The following STK3 variants were observed in gnomAD, a reference collection of about 807,000 sequenced individuals.
STK3 encodes serine/threonine-protein kinase 3.
Under a neutral mutation model 58.0 loss-of-function variants are expected in STK3, and 41 were observed. That is an observed-to-expected ratio of 0.71 (90% CI 0.55 to 0.92). The LOEUF (loss-of-function observed/expected upper bound fraction) is 0.92. Among genes scored for constraint, STK3 ranks in the 40% least tolerant of loss-of-function variants. The pLI, the probability that STK3 is intolerant of heterozygous loss-of-function variation, is 0.00. For synonymous variants in STK3, 170 were observed against 191.0 expected (o/e 0.89, Z 0.91); for missense variants, 479 against 602.7 (o/e 0.79, Z 2.15).
At chr8:98,606,210 C>T (rs1052568722) in intron 6 of STK3, 4 of 152,156 alleles carry the variant, frequency 2.6e-5, no homozygotes, top group Non-Finnish European at 5.9e-5. Context: ...GTAGTGCCAT[C>T]AGTATGTGGT....
chr8:98,765,546 T>A (rs1013058279), intron 3 of STK3, among the ~76,000 whole-genome samples: 6 of 152,170 alleles, frequency 3.9e-5, no homozygotes, highest in Non-Finnish European at 7.3e-5. Context: ...CAGCTCTAAG[T>A]CACACGAGAC....
At chr8:98,620,664 C>A (rs191328988) in intron 6 of STK3, among the ~76,000 whole-genome samples, 3 of 150,694 alleles carry the variant, frequency 2.0e-5, no homozygotes, top group African/African-American at 7.3e-5. Flanking sequence ...AAATGCAAGA[C>A]AAGAAGAAAG....
intron 3 of STK3, among the ~76,000 whole-genome samples, chr8:98,764,282 T>G (rs1360848831): frequency 1.3e-5 from 2 of 152,222 alleles, no homozygotes; most frequent in African/African-American, 2.4e-5. Flanking sequence ...ATAACAAGAA[T>G]AAGTACCTGA....
chr8:98,937,847 C>G lies in STK3; in HGVS notation c.-79+4531G>C, dbSNP rs16897135. On this transcript the variant is annotated intron_variant, in intron 1 of 1. Coordinates refer to the STK3 transcript ENST00000519420. ...CTTGTATCTGCATTCAAATATTGGC[C>G]TTGGCATTTCCTAAGGGCTGGCTGC... Among the ~76,000 whole-genome samples the G allele has an allele frequency of 9.4e-3, 1,426 of 152,322 alleles. 32 individuals are homozygous for G. The highest frequency in any genetic ancestry group is 0.033 in the African/African-American group (1,368 of 41,568).
At chr8:98,863,779 C>T (rs1217067885) in intron 3 of STK3, among the ~76,000 whole-genome samples, 2 of 152,070 alleles carry the variant, frequency 1.3e-5, no homozygotes, top group Admixed American at 6.5e-5. Context: ...TTAACCACAC[C>T]TTGATTTTGT....
In STK3 at chr8:98,914,366, C is replaced by A. The variant is rs958718388; in HGVS notation, c.-79+28012G>T. Among the ~76,000 whole-genome samples, 10 of 152,022 alleles carry A rather than the reference C, an allele frequency of 6.6e-5. No homozygotes were observed. The South Asian group carries it at 8.3e-4, about 13-fold the overall frequency. On this transcript the variant is annotated intron_variant, in intron 1 of 1. Coordinates refer to the STK3 transcript ENST00000519420. ...GAGGCTGCTGTGAGTTGTGATTGTG[C>A]CATTGCCTTCCAGCTTGGGCAACAG...
At chr8:98,413,470 G>A in intron 3 of STK3, 1 of 598,514 alleles carries the variant, frequency 1.7e-6, no homozygotes, top group Non-Finnish European at 3.3e-6. Context: ...TAACTGCTCT[G>A]AAGTGGCTTC....
chr8:98,805,430 C>A (rs1312479499), intron 1 of STK3, among the ~76,000 whole-genome samples: 1 of 152,050 alleles, frequency 6.6e-6, no homozygotes, highest in Non-Finnish European at 1.5e-5. Context: ...CAAAAATTAG[C>A]CAGGCATGGT....
intron 6 of STK3, among the ~76,000 whole-genome samples, chr8:98,658,338 G>A (rs1290746067): frequency 6.6e-6 from 1 of 152,038 alleles, no homozygotes; most frequent in African/African-American, 2.4e-5. Flanking sequence ...ACTGAAGAGG[G>A]AGTGCTGCTG....
chr8:98,683,574 T>C (rs942350024), intron 6 of STK3, among the ~76,000 whole-genome samples: 9 of 152,086 alleles, frequency 5.9e-5, no homozygotes, highest in Non-Finnish European at 2.9e-5. Flanking sequence ...ACGACAACTA[T>C]ATCAAAATAA....
chr8:98,783,024 G>GGAGAGAGAGAGA (rs34117067), intron 1 of STK3, among the ~76,000 whole-genome samples: 2 of 133,980 alleles, frequency 1.5e-5, no homozygotes, highest in African/African-American at 5.5e-5. Context: ...AGAAGGAGAG[G>GGAGAGAGAGAGA]GAGAGAGAGA....
At chr8:98,694,937 CAATGGTTGA>C (rs1400514471) in intron 6 of STK3, among the ~76,000 whole-genome samples, 1 of 152,214 alleles carries the variant, frequency 6.6e-6, no homozygotes, top group Non-Finnish European at 1.5e-5. Flanking sequence ...CTGACTTCCA[CAATGGTTGA>C]ACTAGTTTAC....
At chr8:98,445,967 A>G (rs1818929076) in intron 1 of STK3, among the ~76,000 whole-genome samples, 1 of 152,222 alleles carries the variant, frequency 6.6e-6, no homozygotes, top group East Asian at 1.9e-4. Context: ...AACAAAAACA[A>G]AAACAGACCA....
chr8:98,528,550 G>A (rs772492434), intron 9 of STK3, among the ~76,000 whole-genome samples: 8 of 151,848 alleles, frequency 5.3e-5, no homozygotes, highest in Non-Finnish European at 1.0e-4. Context: ...GCAATGGCAC[G>A]AACTCAGCTC....
intron 6 of STK3, among the ~76,000 whole-genome samples, chr8:98,699,132 C>A (rs887369227): frequency 2.0e-5 from 3 of 152,064 alleles, no homozygotes; most frequent in African/African-American, 7.3e-5. Context: ...TCACTGATAC[C>A]CTTTCTTCCA....
intron 8 of STK3, among the ~76,000 whole-genome samples, chr8:98,571,377 G>C (rs889312315): frequency 1.3e-5 from 2 of 152,100 alleles, no homozygotes; most frequent in African/African-American, 4.8e-5. Context: ...TTGAACAGGG[G>C]TAAGGGGAAA....
upstream of STK3, among the ~76,000 whole-genome samples, chr8:98,828,779 G>A (rs1264821799): frequency 6.6e-6 from 1 of 152,178 alleles, no homozygotes; most frequent in Non-Finnish European, 1.5e-5. Context: ...ATACTGTCTT[G>A]TATATATGTC....
At chr8:98,604,828 A>G (rs1365462537) in intron 6 of STK3, among the ~76,000 whole-genome samples, 1 of 152,164 alleles carries the variant, frequency 6.6e-6, no homozygotes, top group Non-Finnish European at 1.5e-5. Flanking sequence ...GCTCATGCAT[A>G]TGGGCACAGG....
chr8:98,486,868 C>T (rs951487227), intron 10 of STK3, among the ~76,000 whole-genome samples: 5 of 152,122 alleles, frequency 3.3e-5, no homozygotes, highest in Non-Finnish European at 7.3e-5. Context: ...GAGGTGGCTA[C>T]TGTCAGTGTC....
Sources: gnomAD v4.1 joint callset for allele counts (sites outside exome capture counted in the v4.1 genomes callset) on GRCh38, gnomAD v4.1.1 for gene constraint, MANE v1.5 for transcripts, NCBI Gene and HGNC (gene_info 2026-07-23, HGNC 2026-07-21) for gene names.